Variants in ZBBX observed in about 807,000 individuals in gnomAD.
ZBBX encodes zinc finger B-box domain containing, also known as zinc finger B-box domain-containing protein 1.
Under a neutral mutation model 108.5 loss-of-function variants are expected in ZBBX, and 101 were observed. That is an observed-to-expected ratio of 0.93 (90% CI 0.79 to 1.10). The LOEUF (loss-of-function observed/expected upper bound fraction) is 1.10, where lower values mean the gene tolerates loss of function less well. ZBBX is among the 50% of genes least tolerant of loss of function. The pLI, the probability that ZBBX is intolerant of heterozygous loss-of-function variation, is 0.00. For synonymous variants in ZBBX, 356 were observed against 323.4 expected (o/e 1.10, Z -1.08); for missense variants, 1,009 against 941.4 (o/e 1.07, Z -0.94).
At chr3:167,198,216 G>T in the ZBBX span, among the ~76,000 whole-genome samples, 1 of 151,854 alleles carries the variant, frequency 6.6e-6, no homozygotes, top group Non-Finnish European at 1.5e-5. Context: ...TATCTAGTGT[G>T]ACAGAAACAG....
intron 17 of ZBBX, among the ~76,000 whole-genome samples, chr3:167,302,959 C>G (rs935763107): frequency 6.6e-6 from 1 of 152,132 alleles, no homozygotes; most frequent in African/African-American, 2.4e-5. Context: ...AGTAAACAAA[C>G]CTAGTCTTTG....
the ZBBX span, among the ~76,000 whole-genome samples, chr3:167,229,412 C>T: frequency 1.3e-5 from 2 of 151,810 alleles, no homozygotes; most frequent in African/African-American, 4.8e-5. Context: ...CCATAAATTG[C>T]TTGAGGCAGA....
downstream of ZBBX, among the ~76,000 whole-genome samples, chr3:167,238,740 A>G (rs1720333693): frequency 6.6e-6 from 1 of 152,090 alleles, no homozygotes; most frequent in Non-Finnish European, 1.5e-5. Context: ...TCACAAAGTG[A>G]TGACCACAAA....
At chr3:167,377,374 T>C (rs1031274298) in intron 2 of ZBBX, among the ~76,000 whole-genome samples, 7 of 152,294 alleles carry the variant, frequency 4.6e-5, no homozygotes, top group Admixed American at 3.3e-4. Flanking sequence ...GGCCACTTTT[T>C]GTAACTGAAA....
chr3:167,246,603 A>G (rs56223912), intron 20 of ZBBX, among the ~76,000 whole-genome samples: 2,633 of 152,362 alleles, frequency 0.017, 76 homozygotes, highest in African/African-American at 0.06. Flanking sequence ...CTTAAAGACC[A>G]TGAAGATTCT....
chr3:167,325,525 A>G (rs749310193), intron 11 of ZBBX, among the ~76,000 whole-genome samples: 15 of 152,142 alleles, frequency 9.9e-5, no homozygotes, highest in Non-Finnish European at 2.1e-4. Context: ...ACAATTCAAG[A>G]TGAGATTTTG....
Position 167,241,311 on chromosome 3 carries a change from A to T in ZBBX, c.2394-392T>A, listed in dbSNP as rs77834641. Reference sequence around the variant, plus strand: ...CTGCCAGATAAATCATCTCTTTTGTATACTGTAAATTAGGACTATGTAGAT... The same window carrying T: ...CTGCCAGATAAATCATCTCTTTTGTTTACTGTAAATTAGGACTATGTAGAT... On this transcript the variant is annotated intron_variant, in intron 21 of 21. Transcript: ENST00000675490. 2.4e-3 allele frequency among the ~76,000 whole-genome samples: 371 copies of T among 152,306 alleles called. 6 individuals carry two copies. The East Asian group carries it at 0.048, about 20-fold the overall frequency.
rs1232462225 is a variant in ZBBX, at chr3:167,350,414, C to T, written c.528+6G>A. 2 of 1,582,316 alleles carry T rather than the reference C, an allele frequency of 1.3e-6. No homozygotes were observed. The highest frequency in any genetic ancestry group is 2.4e-5 in the South Asian group (2 of 84,952). On this transcript the variant is annotated splice_donor_region_variant and intron_variant, in intron 9 of 21. Coordinates refer to ENST00000675490, the MANE Select transcript of ZBBX (RefSeq NM_001199201.2). ...ACTACAAGTAAATCATTTTAGAAAG[C>T]CATACCTGCAAAAGAGTTGTTCTGT...
intron 17 of ZBBX, among the ~76,000 whole-genome samples, chr3:167,304,243 A>T (rs1200539577): frequency 6.6e-6 from 1 of 152,184 alleles, no homozygotes; most frequent in African/African-American, 2.4e-5. Context: ...CCTCTAGGAC[A>T]AAGGTCTGGC....
intron 20 of ZBBX, among the ~76,000 whole-genome samples, chr3:167,263,949 C>A (rs978765957): frequency 2.0e-5 from 3 of 152,192 alleles, no homozygotes; most frequent in African/African-American, 7.2e-5. Context: ...GCTGAATTGA[C>A]CCCTTTATCA....
intron 18 of ZBBX, among the ~76,000 whole-genome samples, chr3:167,296,181 G>T (rs1334469255): frequency 6.6e-6 from 1 of 151,934 alleles, no homozygotes; most frequent in African/African-American, 2.4e-5. Context: ...TGCAGAAAAA[G>T]TATTTGACAA....
chr3:167,274,923 C>A (rs780176639), intron 20 of ZBBX, among the ~76,000 whole-genome samples: 1 of 152,156 alleles, frequency 6.6e-6, no homozygotes, highest in African/African-American at 2.4e-5. Context: ...TTGTTTGACA[C>A]AAGTGGCACC....
intron 9 of ZBBX, among the ~76,000 whole-genome samples, chr3:167,339,101 T>C (rs1299174927): frequency 6.6e-6 from 1 of 152,200 alleles, no homozygotes; most frequent in Admixed American, 6.5e-5. Flanking sequence ...GATGTCTGTA[T>C]TAACTCCAGA....
intron 9 of ZBBX, among the ~76,000 whole-genome samples, chr3:167,342,797 A>C (rs1483212073): frequency 6.7e-6 from 1 of 149,042 alleles, no homozygotes; most frequent in African/African-American, 2.5e-5. Flanking sequence ...TGTTATTACC[A>C]CAAAAAAAAA....
chr3:167,248,590 A>G, intron 20 of ZBBX: 1 of 456,606 alleles, frequency 2.2e-6, no homozygotes, highest in South Asian at 1.5e-5. Context: ...AAACAGATAT[A>G]AACAGCCTCT....
chr3:167,322,611 A>T (rs1224134334), intron 11 of ZBBX, among the ~76,000 whole-genome samples: 1 of 152,136 alleles, frequency 6.6e-6, no homozygotes, highest in East Asian at 1.9e-4. Context: ...TAATATTTAC[A>T]CATTATGAGA....
At chr3:167,350,549 T>C in intron 8 of ZBBX, 34 bp from the exon 9 acceptor site, 1 of 1,422,898 alleles carries the variant, frequency 7.0e-7, no homozygotes, top group South Asian at 1.4e-5. Flanking sequence ...TTATACAATC[T>C]TATAAAATAG....
the ZBBX span, among the ~76,000 whole-genome samples, chr3:167,207,737 C>A: frequency 6.6e-6 from 1 of 152,028 alleles, no homozygotes; most frequent in Non-Finnish European, 1.5e-5. Flanking sequence ...ATAATAGGAA[C>A]CTGGGGAGAG....
chr3:167,279,174 C>A (rs1728279208), intron 20 of ZBBX, among the ~76,000 whole-genome samples: 1 of 152,050 alleles, frequency 6.6e-6, no homozygotes, highest in Admixed American at 6.6e-5. Context: ...GGAAGCATTC[C>A]CTTTGAAAAC....
Sources: gnomAD v4.1 joint callset for allele counts (sites outside exome capture counted in the v4.1 genomes callset) on GRCh38, gnomAD v4.1.1 for gene constraint, MANE v1.5 for transcripts, NCBI Gene and HGNC (gene_info 2026-07-23, HGNC 2026-07-21) for gene names.